CIITA: variants seen among roughly 807,000 people sequenced by gnomAD.
CIITA encodes class II major histocompatibility complex transactivator.
A neutral mutation model predicts 115.1 loss-of-function variants in CIITA; 72 were observed. The ratio of observed to expected loss-of-function variants is 0.63; its 90% CI spans 0.52 to 0.76. The LOEUF (loss-of-function observed/expected upper bound fraction) is 0.76, where lower values mean the gene tolerates loss of function less well. CIITA is among the 30% of genes least tolerant of loss of function. The pLI is 0.00. For synonymous variants in CIITA, 763 were observed against 635.6 expected, an observed-to-expected ratio of 1.20 and a Z score of -3.02; for missense variants, 1,617 against 1,463.8, an observed-to-expected ratio of 1.10 and a Z score of -1.71.
rs1033019436 is a variant in CIITA at position 10,923,056 on chromosome 16, C to G, written c.3318-172C>G. 1.5e-6 allele frequency: 1 copy of G among 649,618 alleles called. No individual in the cohort carries two copies. 40.2% of individuals were successfully genotyped at this position (649,618 alleles called of 1,614,324 possible). A position where few individuals can be genotyped will look rare whatever the true frequency, so the allele number is the denominator to read the frequency against. The stretch of plus-strand genomic sequence containing the variant: ...TGCAGAACCATAAAGGAATCTCGGG[C>G]CTCCTAGGCTTCTCCTTTTCCCCAT... On this transcript the variant is annotated intron_variant, in intron 18 of 19. Coordinates refer to ENST00000324288, the MANE Select transcript of CIITA (RefSeq NM_000246.4). This position sits in a 1 kb window ranked among gnomAD's most constrained non-coding sequence, Gnocchi z 5.2.
chr16:10,868,581 T>A (rs1363547008), intron 1 of CIITA, among the ~76,000 whole-genome samples: 1 of 152,192 alleles, frequency 6.6e-6, no homozygotes, highest in African/African-American at 2.4e-5. Flanking sequence ...CCTTGGCTTC[T>A]CAACAGGGGC....
At chr16:10,875,371 G>A (rs183233323), upstream of CIITA, among the ~76,000 whole-genome samples, 11 of 152,080 alleles carry the variant, frequency 7.2e-5, no homozygotes, top group Admixed American at 2.6e-4. Flanking sequence ...CTCCTCACCC[G>A]GGGACTTCTG....
Position 10,907,158 on chromosome 16 carries a change from A to G in CIITA, c.1666A>G (p.Ser556Gly). Residue 556 changes from serine to glycine, a missense_variant, in exon 11 of 20, where the codon AGC becomes GGC. By Grantham distance (56) the Ser-to-Gly change is moderately conservative. Transcript: ENST00000324288. This position sits in a 1 kb window ranked among gnomAD's most constrained non-coding sequence, Gnocchi z 5.0. ...CCGGCCCCGGGGCCGCCTGGTCCAG[A>G]GCCTGAGCAAGGCCGACGCCCTATT... ...TARPRGRLVQ[S>G]LSKADALFEL... 1 of 1,612,770 alleles carries G rather than the reference A, an allele frequency of 6.2e-7. No individual in the cohort carries two copies. Among genetic ancestry groups the G allele is most frequent in the Non-Finnish European group, 8.5e-7 (1 of 1,179,778 alleles).
At chr16:10,917,112 C>T (rs1379407431) in intron 15 of CIITA, 3 of 205,362 alleles carry the variant, frequency 1.5e-5, no homozygotes, top group Non-Finnish European at 3.0e-5. Flanking sequence ...AACAGTAAAA[C>T]TTTTTAAAAA....
chr16:10,896,715 A>G (rs1324835344), intron 3 of CIITA, among the ~76,000 whole-genome samples: 1 of 152,246 alleles, frequency 6.6e-6, no homozygotes, highest in African/African-American at 2.4e-5. Context: ...ACCTGTGTGC[A>G]GTGAACAACC....
At chr16:10,869,266 C>G (rs1217298805) in intron 1 of CIITA, among the ~76,000 whole-genome samples, 1 of 152,204 alleles carries the variant, frequency 6.6e-6, no homozygotes, top group Admixed American at 6.5e-5. Flanking sequence ...TCCTGTCTGC[C>G]TTGTTCATCT....
intron 5 of CIITA, 140 bp downstream of exon 5, chr16:10,899,142 C>T (rs2144424020): frequency 1.3e-6 from 1 of 768,624 alleles, no homozygotes; most frequent in South Asian, 1.5e-5. Flanking sequence ...CCAACAGGAG[C>T]CTTAAAATGT....
chr16:10,915,119 T>C, intron 13 of CIITA: 2 of 441,996 alleles, frequency 4.5e-6, no homozygotes, highest in Non-Finnish European at 9.0e-6. Flanking sequence ...GGTGTGATCA[T>C]GGCTCACTGC....
chr16:10,940,062 T>A (rs996709078), downstream of CIITA: 1 of 152,256 alleles, frequency 6.6e-6, no homozygotes, highest in African/African-American at 2.4e-5. The surrounding 1 kb of genome is among the most constrained non-coding windows in gnomAD (Gnocchi z 4.2). Flanking sequence ...TGAGCTCAAC[T>A]GAAGCTTTTT....
chr16:10,941,911 C>A lies in CIITA; in HGVS notation n.1037C>A. 1 of 1,607,218 alleles carries A rather than the reference C, an allele frequency of 6.2e-7. No homozygotes were observed. The highest frequency in any genetic ancestry group is 2.2e-5 in the East Asian group (1 of 44,752). The stretch of plus-strand genomic sequence containing the variant: ...GATCAGCACATTGACGAAGAACAGG[C>A]CCACGTAGAACATAGAGGGCAGCAG... On this transcript the variant is annotated non_coding_transcript_exon_variant, in exon 2 of 2. Transcript: ENST00000573379. The surrounding 1 kb of genome is among the most constrained non-coding windows in gnomAD (Gnocchi z 6.4).
At position 10,882,715 on chromosome 16, in the gene CIITA, T is replaced by C. The variant is rs1184033974; in HGVS notation, c.52+5333T>C. Reference sequence around the variant, plus strand: ...GAGTTCGAGACCAGCCTGGGCAACATGGTGAAACACCGTCTCTCCTAAAAA... The same window carrying C: ...GAGTTCGAGACCAGCCTGGGCAACACGGTGAAACACCGTCTCTCCTAAAAA... On this transcript the variant is annotated intron_variant, in intron 1 of 19. Transcript: ENST00000324288. Among the ~76,000 whole-genome samples, 12 of 151,892 alleles carry C rather than the reference T, an allele frequency of 7.9e-5. No homozygotes were observed. The East Asian group carries it at 9.7e-4, about 12-fold the overall frequency.
At chr16:10,906,052 G>C (rs1280088847) in intron 10 of CIITA, among the ~76,000 whole-genome samples, 1 of 152,104 alleles carries the variant, frequency 6.6e-6, no homozygotes, top group Non-Finnish European at 1.5e-5. Context: ...AATTAGCCAG[G>C]CATGGCAGTG....
Position 10,929,069 on chromosome 16 carries a change from A to C in CIITA, c.*5214A>C. The stretch of plus-strand genomic sequence containing the variant: ...TGTTTTGCCAACTTGCTGAAGAACG[A>C]GTAACCTGAAATGAAGGAGCGAGAA... On this transcript the variant is annotated 3_prime_UTR_variant, in exon 20 of 20. Transcript: ENST00000324288. The surrounding 1 kb of genome is among the most constrained non-coding windows in gnomAD (Gnocchi z 4.3). 2.9e-6 allele frequency: 1 copy of C among 343,932 alleles called. No individual in the cohort carries two copies. Among genetic ancestry groups the C allele is most frequent in the Non-Finnish European group, 4.1e-6 (1 of 243,306 alleles). The allele number at this position is 343,932 out of a possible 1,614,324, so 21.3% of individuals were successfully genotyped here.
Position 10,901,679 on chromosome 16 carries a change from T to C in CIITA, c.481+121T>C. 9.0e-7 allele frequency: 1 copy of C among 1,115,268 alleles called. No individual in the cohort carries two copies. The highest frequency in any genetic ancestry group is 2.6e-5 in the East Asian group (1 of 38,990). 69.1% of individuals were successfully genotyped at this position (1,115,268 alleles called of 1,614,324 possible). On this transcript the variant is annotated intron_variant, in intron 6 of 19. Transcript: ENST00000324288. This position sits in a 1 kb window ranked among gnomAD's most constrained non-coding sequence, Gnocchi z 6.8. ...TGCATGGTGCAGCCCCTGCCCTTCT[T>C]TGGGTAGAGGCTGAGAGCTTGGGGT...
chr16:10,868,459 G>C (rs912026077), intron 1 of CIITA, among the ~76,000 whole-genome samples: 1 of 152,176 alleles, frequency 6.6e-6, no homozygotes, highest in African/African-American at 2.4e-5. Context: ...GGTTCTTCTT[G>C]TGGTCAAATT....
At position 10,906,559 on chromosome 16, in the gene CIITA, C is replaced by G; in HGVS notation, c.1067C>G (p.Pro356Arg). Residue 356 changes from proline (P) to arginine (R), a missense_variant, in exon 11 of 20, where the codon CCG (proline) becomes CGG (arginine). Pro to Arg is a moderately radical substitution (Grantham distance 103). Transcript: ENST00000324288. The stretch of plus-strand genomic sequence containing the variant: ...ACGTATGGTGCCGAGCCCGCAGGCC[C>G]GGATGGCATCCTAGTGGAGGTGGAT... ...QDTYGAEPAG[P>R]DGILVEVDLV... 1 of 1,613,132 alleles carries G rather than the reference C, an allele frequency of 6.2e-7. No individual in the cohort carries two copies. The highest frequency in any genetic ancestry group is 8.5e-7 in the Non-Finnish European group (1 of 1,180,008).
chr16:10,893,791 A>G (rs1259199966), intron 1 of CIITA, among the ~76,000 whole-genome samples: 2 of 117,650 alleles, frequency 1.7e-5, no homozygotes, highest in African/African-American at 3.1e-5. Flanking sequence ...CCTGGGTGAC[A>G]GAGACTCCGT....
Position 10,934,061 on chromosome 16 carries a change from G to A in CIITA, c.*10206G>A, listed in dbSNP as rs1054687963. ...GACCACTTTCTCAAACCTGGCTTCG[G>A]ATTTGCACGTTGGCTGCCAAAGCTG... On this transcript the variant is annotated 3_prime_UTR_variant, in exon 20 of 20. Transcript: ENST00000324288. This position sits in a 1 kb window ranked among gnomAD's most constrained non-coding sequence, Gnocchi z 4.2. 7 of 152,200 alleles carry A rather than the reference G, an allele frequency of 4.6e-5. No homozygotes were observed. Among genetic ancestry groups the A allele is most frequent in the Non-Finnish European group, 7.3e-5 (5 of 68,044 alleles). The allele number at this position is 152,200 out of a possible 1,614,324, so 9.4% of individuals were successfully genotyped here. A position where few individuals can be genotyped will look rare whatever the true frequency, so the allele number is the denominator to read the frequency against.
At chr16:10,939,325 T>C (rs375964662), downstream of CIITA, 3 of 152,266 alleles carry the variant, frequency 2.0e-5, no homozygotes, top group East Asian at 1.9e-4. This position sits in a 1 kb window ranked among gnomAD's most constrained non-coding sequence, Gnocchi z 4.9. Flanking sequence ...CTGTCCACAA[T>C]TGCCAGAGTC....
Sources: allele counts gnomAD v4.1 joint callset (sites outside exome capture counted in the v4.1 genomes callset), GRCh38; gene constraint gnomAD v4.1.1; non-coding constraint Gnocchi (gnomAD v3.1); transcripts MANE v1.5; gene names NCBI Gene and HGNC (gene_info 2026-07-23, HGNC 2026-07-21).